The following COLEC10 variants were observed in gnomAD, a reference collection of about 807,000 sequenced individuals.
COLEC10 encodes collectin-10.
COLEC10 carries 22 observed loss-of-function variants against 28.4 expected under a neutral mutation model. That is an observed-to-expected ratio of 0.78 (90% CI 0.55 to 1.11). The LOEUF is 1.11. Ranked by LOEUF, COLEC10 falls within the 50% of genes least tolerant of loss-of-function variation. The pLI, the probability that COLEC10 is intolerant of heterozygous loss-of-function variation, is 0.00. For synonymous variants in COLEC10, 125 were observed against 116.1 expected (o/e 1.08, Z -0.49); for missense variants, 361 against 344.1 (o/e 1.05, Z -0.39).
intron 3 of COLEC10, among the ~76,000 whole-genome samples, chr8:119,096,101 A>G (rs1450168048): frequency 6.6e-6 from 1 of 152,222 alleles, no homozygotes; most frequent in African/African-American, 2.4e-5. Flanking sequence ...TGTACCTAAA[A>G]TCAATGGTTT....
chr8:118,961,424 A>T, the COLEC10 span, among the ~76,000 whole-genome samples: 1 of 152,128 alleles, frequency 6.6e-6, no homozygotes, highest in African/African-American at 2.4e-5. Context: ...CCTATTCCTG[A>T]TGTATTTGAA....
At chr8:119,088,342 A>G (rs182808403) in intron 1 of COLEC10, among the ~76,000 whole-genome samples, 34 of 152,204 alleles carry the variant, frequency 2.2e-4, no homozygotes, top group Admixed American at 8.5e-4. Flanking sequence ...TCTGAAAGCC[A>G]TCCTAGGAGG....
intron 3 of COLEC10, among the ~76,000 whole-genome samples, chr8:119,099,566 G>A (rs373096704): frequency 4.7e-5 from 7 of 150,378 alleles, no homozygotes; most frequent in Non-Finnish European, 9.0e-5. Flanking sequence ...GTTTTGGGGA[G>A]CTTTCATCAT....
chr8:119,024,289 G>T (rs1459647839), intron 2 of COLEC10, among the ~76,000 whole-genome samples: 2 of 152,120 alleles, frequency 1.3e-5, no homozygotes, highest in African/African-American at 4.8e-5. Context: ...AGGCTTTAAG[G>T]ATTGTGAAAA....
intron 2 of COLEC10, among the ~76,000 whole-genome samples, chr8:119,038,388 G>A (rs1245370596): frequency 6.6e-6 from 1 of 152,134 alleles, no homozygotes; most frequent in Non-Finnish European, 1.5e-5. Flanking sequence ...TCAAAGGATG[G>A]GACAGTGAAT....
the COLEC10 span, among the ~76,000 whole-genome samples, chr8:118,952,723 C>T: frequency 6.6e-6 from 1 of 152,190 alleles, no homozygotes; most frequent in African/African-American, 2.4e-5. Context: ...GGTATCGGAG[C>T]TTCCTACGCG....
chr8:118,966,083 A>G, the COLEC10 span, among the ~76,000 whole-genome samples: 3 of 152,112 alleles, frequency 2.0e-5, no homozygotes, highest in Non-Finnish European at 4.4e-5. Context: ...AAATGGAAAA[A>G]GACCAGATCT....
chr8:119,082,577 T>C (rs1041912367), intron 1 of COLEC10, among the ~76,000 whole-genome samples: 1 of 152,180 alleles, frequency 6.6e-6, no homozygotes, highest in Non-Finnish European at 1.5e-5. Context: ...GGAGTTAGTT[T>C]AGTTCTGACC....
rs74413908 is a variant in COLEC10, at chr8:119,090,940, C to T, written c.221-209C>T. On this transcript the variant is annotated intron_variant, in intron 2 of 5. Transcript: ENST00000332843. ...GCAAGTATTTTAATATCATCATGTC[C>T]GTAGTATATATTCATACTCACTCAC... Among the ~76,000 whole-genome samples the T allele has an allele frequency of 1.1e-4, 16 of 152,138 alleles. No homozygotes were observed. The East Asian group carries it at 2.1e-3, about 20-fold the overall frequency.
At chr8:119,057,547 T>C (rs1001196374) in intron 2 of COLEC10, among the ~76,000 whole-genome samples, 1 of 152,064 alleles carries the variant, frequency 6.6e-6, no homozygotes, top group Non-Finnish European at 1.5e-5. Flanking sequence ...TAATGACAAC[T>C]ACTATTGTAC....
chr8:119,078,200 A>G (rs1199061398), intron 1 of COLEC10, among the ~76,000 whole-genome samples: 1 of 152,218 alleles, frequency 6.6e-6, no homozygotes, highest in Non-Finnish European at 1.5e-5. Context: ...ACATCAAACC[A>G]TGTCATCTGC....
rs1038319435 is a variant in COLEC10, at chr8:119,089,624, T to C, written c.149-56T>C. 1.0e-5 allele frequency: 14 copies of C among 1,366,448 alleles called. No individual in the cohort carries two copies. The African/African-American group carries it at 1.7e-4, about 17-fold the overall frequency. 84.6% of individuals were successfully genotyped at this position (1,366,448 alleles called of 1,614,324 possible). ...CCATGTCCACCTTACCCTGGGAGAA[T>C]GTGCTCATGTTACTGTTTGAGATGC... On this transcript the variant is annotated intron_variant, in intron 1 of 5. Coordinates refer to ENST00000332843, the MANE Select transcript of COLEC10 (RefSeq NM_006438.5).
chr8:119,091,222 T>G lies in COLEC10; in HGVS notation c.292+2T>G. On this transcript the variant is annotated splice_donor_variant, in intron 3 of 5. Coordinates refer to ENST00000332843, the MANE Select transcript of COLEC10 (RefSeq NM_006438.5). LOFTEE classifies it high-confidence loss of function. Reference sequence around the variant, plus strand: ...AGACTGGGCCCATTGGGAAGAAGGGTAAGTTGCATCTTACTATTCTCCAGT... The same window carrying G: ...AGACTGGGCCCATTGGGAAGAAGGGGAAGTTGCATCTTACTATTCTCCAGT... The G allele has an allele frequency of 6.2e-7, 1 of 1,609,842 alleles. No individual in the cohort carries two copies. Among genetic ancestry groups the G allele is most frequent in the Non-Finnish European group, 8.5e-7 (1 of 1,176,908 alleles).
At chr8:119,036,715 A>T (rs1814394793) in intron 2 of COLEC10, among the ~76,000 whole-genome samples, 1 of 152,214 alleles carries the variant, frequency 6.6e-6, no homozygotes, top group Admixed American at 6.5e-5. Flanking sequence ...CACTCAAATT[A>T]AGACCATTTA....
intron 2 of COLEC10, among the ~76,000 whole-genome samples, chr8:119,021,154 T>A (rs1429051181): frequency 6.6e-6 from 1 of 152,220 alleles, no homozygotes; most frequent in Non-Finnish European, 1.5e-5. Context: ...GTGTCTTCTA[T>A]TTCCCTAATT....
rs1813687127 is a variant in COLEC10, at chr8:119,001,008, C to G, written n.122+5435C>G. 2.0e-5 allele frequency among the ~76,000 whole-genome samples: 3 copies of G among 152,244 alleles called. No individual in the cohort carries two copies. In the East Asian group the frequency reaches 5.8e-4, roughly 29 times the overall value. On this transcript the variant is annotated intron_variant and non_coding_transcript_variant, in intron 1 of 6. Transcript: ENST00000521788. ...AACAAAAGGGCAGAGGAGTTATGGTCTGGACATTACTGGGACGATCAGTAA... is the reference window on the plus strand; with the variant it reads ...AACAAAAGGGCAGAGGAGTTATGGTGTGGACATTACTGGGACGATCAGTAA...
chr8:119,083,633 T>G (rs1329098270), intron 1 of COLEC10, among the ~76,000 whole-genome samples: 1 of 152,198 alleles, frequency 6.6e-6, no homozygotes, highest in Admixed American at 6.5e-5. Flanking sequence ...AATCTTTAGG[T>G]AACTCCATGA....
At chr8:118,962,033 A>G in the COLEC10 span, among the ~76,000 whole-genome samples, 3 of 152,172 alleles carry the variant, frequency 2.0e-5, no homozygotes, top group African/African-American at 7.2e-5. Context: ...CATGACCTAA[A>G]AGCCAACACT....
intron 1 of COLEC10, among the ~76,000 whole-genome samples, chr8:119,076,441 T>C (rs935701229): frequency 2.0e-5 from 3 of 151,936 alleles, no homozygotes; most frequent in African/African-American, 7.3e-5. Flanking sequence ...TTTTGTATTT[T>C]TAGTAGAGAT....
Sources: allele counts gnomAD v4.1 joint callset (sites outside exome capture counted in the v4.1 genomes callset), GRCh38; gene constraint gnomAD v4.1.1; transcripts MANE v1.5; gene names NCBI Gene and HGNC (gene_info 2026-07-23, HGNC 2026-07-21).